CRB1: variants seen among roughly 807,000 people sequenced by gnomAD.
CRB1 encodes crumbs cell polarity complex component 1.
CRB1 carries 83 observed loss-of-function variants against 120.0 expected under a neutral mutation model. The observed-to-expected ratio is 0.69, with a 90% CI of 0.58 to 0.83. The LOEUF is 0.83. Among genes scored for constraint, CRB1 ranks in the 40% least tolerant of loss-of-function variants. The pLI, the probability that CRB1 is intolerant of heterozygous loss-of-function variation, is 0.00. For synonymous variants in CRB1, 625 were observed against 612.5 expected (o/e 1.02, Z -0.30); for missense variants, 1,699 against 1,687.6 (o/e 1.01, Z -0.12).
At chr1:197,241,299 C>T in the CRB1 span, among the ~76,000 whole-genome samples, 3 of 151,952 alleles carry the variant, frequency 2.0e-5, no homozygotes, top group African/African-American at 7.2e-5. Context: ...GAATGGTATT[C>T]TGTAGGTTTT....
intron 5 of CRB1, among the ~76,000 whole-genome samples, chr1:197,409,931 C>T (rs553497280): frequency 2.0e-5 from 3 of 152,198 alleles, no homozygotes; most frequent in East Asian, 3.9e-4. Flanking sequence ...TTACAGGCGC[C>T]CGCCACCATG....
intron 1 of CRB1, among the ~76,000 whole-genome samples, chr1:197,287,105 A>G (rs1198107172): frequency 1.3e-5 from 2 of 151,886 alleles, no homozygotes; most frequent in African/African-American, 4.8e-5. Flanking sequence ...GAGAGGTAAA[A>G]TGAGTACGTG....
chr1:197,404,287 C>T (rs916289366), intron 5 of CRB1, among the ~76,000 whole-genome samples: 5 of 151,982 alleles, frequency 3.3e-5, no homozygotes, highest in Non-Finnish European at 7.4e-5. Flanking sequence ...CGTCTCTGTA[C>T]TTTCCTAAAA....
chr1:197,357,083 T>C (rs762597649), intron 5 of CRB1, 70 bp downstream of exon 5: 3 of 1,480,310 alleles, frequency 2.0e-6, no homozygotes, highest in Middle Eastern at 1.7e-4. Context: ...TTTAACCAAA[T>C]GGTGTATTAG....
At chr1:197,279,102 A>G (rs558132120) in intron 1 of CRB1, among the ~76,000 whole-genome samples, 1 of 152,068 alleles carries the variant, frequency 6.6e-6, no homozygotes, top group African/African-American at 2.4e-5. Flanking sequence ...CCCTAATGAA[A>G]GTAGTTATAT....
At chr1:197,291,586 T>G (rs1015592238) in intron 1 of CRB1, among the ~76,000 whole-genome samples, 1 of 151,882 alleles carries the variant, frequency 6.6e-6, no homozygotes, top group Non-Finnish European at 1.5e-5. Context: ...TGCTGTTATC[T>G]TTCTACAGTA....
upstream of CRB1, among the ~76,000 whole-genome samples, chr1:197,267,516 C>G (rs1478261984): frequency 6.6e-6 from 1 of 152,060 alleles, no homozygotes; most frequent in East Asian, 1.9e-4. Context: ...TAAAGTGTAA[C>G]AGTGAACAGT....
chr1:197,212,686 T>G, the CRB1 span, among the ~76,000 whole-genome samples: 4 of 152,164 alleles, frequency 2.6e-5, no homozygotes, highest in African/African-American at 9.7e-5. Flanking sequence ...GATGGTTTCA[T>G]CAGGGTGTAC....
chr1:197,257,418 A>G, the CRB1 span, among the ~76,000 whole-genome samples: 1 of 152,174 alleles, frequency 6.6e-6, no homozygotes, highest in Non-Finnish European at 1.5e-5. Flanking sequence ...TCTCTTAGCC[A>G]GGTCAAGTTG....
chr1:197,400,325 T>TTA (rs58713118), intron 5 of CRB1, among the ~76,000 whole-genome samples: 4 of 135,552 alleles, frequency 3.0e-5, no homozygotes, highest in African/African-American at 1.1e-4. Context: ...TTTTTTTTTT[T>TTA]AAAACAGATA....
chr1:197,310,301 A>T (rs1357687839), intron 1 of CRB1, among the ~76,000 whole-genome samples: 1 of 152,154 alleles, frequency 6.6e-6, no homozygotes, highest in Non-Finnish European at 1.5e-5. Flanking sequence ...TATAAAAAAA[A>T]CCCTGACATC....
intron 11 of CRB1, among the ~76,000 whole-genome samples, chr1:197,450,716 G>A (rs770892990): frequency 5.4e-5 from 8 of 146,798 alleles, no homozygotes; most frequent in Non-Finnish European, 3.0e-5. Flanking sequence ...CGAGGTGGGC[G>A]GATCACGAGG....
intron 1 of CRB1, among the ~76,000 whole-genome samples, chr1:197,299,511 T>C (rs1656740472): frequency 6.6e-6 from 1 of 151,992 alleles, no homozygotes; most frequent in South Asian, 2.1e-4. Context: ...ACACACACAC[T>C]AAAGGAAAAA....
At chr1:197,370,002 A>T (rs1409110558) in intron 5 of CRB1, among the ~76,000 whole-genome samples, 2 of 152,096 alleles carry the variant, frequency 1.3e-5, no homozygotes, top group East Asian at 3.9e-4. Flanking sequence ...TCATCTAGGA[A>T]ATTAGTCTTC....
At chr1:197,458,086 C>T (rs1289540743) in intron 11 of CRB1, among the ~76,000 whole-genome samples, 6 of 152,008 alleles carry the variant, frequency 3.9e-5, no homozygotes, top group Non-Finnish European at 7.4e-5. Context: ...GATCACCGAA[C>T]GAGGGTTATA....
At chr1:197,289,920 A>G (rs2125235554) in intron 1 of CRB1, among the ~76,000 whole-genome samples, 1 of 151,682 alleles carries the variant, frequency 6.6e-6, no homozygotes, top group Admixed American at 6.6e-5. Context: ...TATATATCTT[A>G]TGTAGATGAT....
intron 2 of CRB1, among the ~76,000 whole-genome samples, chr1:197,335,752 C>G (rs1424240973): frequency 6.6e-6 from 1 of 152,206 alleles, no homozygotes; most frequent in Non-Finnish European, 1.5e-5. Context: ...CCGCCTAGGC[C>G]TCCCAGAGTG....
chr1:197,320,387 A>G (rs2125289392), intron 1 of CRB1, among the ~76,000 whole-genome samples: 1 of 152,296 alleles, frequency 6.6e-6, no homozygotes, highest in South Asian at 2.1e-4. Context: ...CCTGGTCCCT[A>G]TTGAGTTATA....
At chr1:197,217,676 G>A in the CRB1 span, among the ~76,000 whole-genome samples, 1 of 152,208 alleles carries the variant, frequency 6.6e-6, no homozygotes, top group East Asian at 1.9e-4. Context: ...AGAGGGGAAT[G>A]GGGAATTATT....
Sources: gnomAD v4.1 joint callset for allele counts (sites outside exome capture counted in the v4.1 genomes callset) on GRCh38, gnomAD v4.1.1 for gene constraint, MANE v1.5 for transcripts, NCBI Gene and HGNC (gene_info 2026-07-23, HGNC 2026-07-21) for gene names.